The following CSNK1D variants were observed in gnomAD, a reference collection of about 807,000 sequenced individuals.
The protein encoded by CSNK1D is casein kinase I isoform delta.
Under a neutral mutation model 46.6 loss-of-function variants are expected in CSNK1D, and 16 were observed. The observed-to-expected ratio is 0.34, with a 90% CI of 0.23 to 0.52. CSNK1D has a LOEUF of 0.52. Ranked by LOEUF, CSNK1D falls within the 20% of genes least tolerant of loss-of-function variation. The pLI is 0.95. For missense variants in CSNK1D, 398 were observed against 578.4 expected (o/e 0.69, Z 3.20); for synonymous variants, 276 against 228.2 (o/e 1.21, Z -1.89).
downstream of CSNK1D, among the ~76,000 whole-genome samples, chr17:82,241,951 C>T (rs1035959556): frequency 6.6e-6 from 1 of 152,142 alleles, no homozygotes; most frequent in African/African-American, 2.4e-5. Flanking sequence ...GCAAGTGACC[C>T]GAAGTCCCTG....
downstream of CSNK1D, chr17:82,240,001 G>A: frequency 1.6e-6 from 2 of 1,233,746 alleles, no homozygotes. Flanking sequence ...TGGGCGCTGG[G>A]GACGGCAGCG....
At position 82,255,501 on chromosome 17, in the gene CSNK1D, G is replaced by A; in HGVS notation, c.264C>T (p.Ser88=). ...NVMVMELLGP[S]LEDLFNFCSR... is the part of the protein sequence containing the mutation. ...AGCAGAAGTTGAAGAGGTCCTCCAG[G>A]CTTGGCCCCAGCAGCTCCATCACCA... The change falls in exon 3 of 9, where the codon AGC becomes AGT. Residue 88 remains serine (S), a synonymous_variant. Coordinates refer to ENST00000314028, the MANE Select transcript of CSNK1D (RefSeq NM_001893.6). This position sits in a 1 kb window ranked among gnomAD's most constrained non-coding sequence, Gnocchi z 5.9. The A allele has an allele frequency of 5.0e-6, 8 of 1,614,174 alleles. No homozygotes were observed. Among genetic ancestry groups the A allele is most frequent in the Non-Finnish European group, 6.8e-6 (8 of 1,180,028 alleles).
chr17:82,258,355 A>T (rs1599602143), intron 2 of CSNK1D, among the ~76,000 whole-genome samples: 1 of 151,254 alleles, frequency 6.6e-6, no homozygotes, highest in South Asian at 2.1e-4. Flanking sequence ...TATATTATAT[A>T]TATGCAAATA....
chr17:82,248,412 A>G lies in CSNK1D; in HGVS notation c.1197+463T>C, dbSNP rs989062651. The G allele has an allele frequency of 9.9e-7, 1 of 1,011,458 alleles. No individual in the cohort carries two copies. The allele number at this position is 1,011,458 out of a possible 1,614,324, so 62.7% of individuals were successfully genotyped here. A position where few individuals can be genotyped will look rare whatever the true frequency, so the allele number is the denominator to read the frequency against. Reference sequence around the variant, plus strand: ...AAGAAGGAAAGCCTCGTTGCAGGGCATGCCACCAGGGAGGGTCTCACAAGA... The same window carrying G: ...AAGAAGGAAAGCCTCGTTGCAGGGCGTGCCACCAGGGAGGGTCTCACAAGA... On this transcript the variant is annotated intron_variant, in intron 8 of 8. Transcript: ENST00000314028. The surrounding 1 kb of genome is among the most constrained non-coding windows in gnomAD (Gnocchi z 4.1).
At position 82,247,200 on chromosome 17, in the gene CSNK1D, T is replaced by C. The variant is rs2050872854; in HGVS notation, c.1197+1675A>G. 5 of 985,468 alleles carry C rather than the reference T, an allele frequency of 5.1e-6. No homozygotes were observed. In the South Asian group the frequency reaches 1.9e-4, roughly 37 times the overall value. 61.0% of individuals were successfully genotyped at this position (985,468 alleles called of 1,614,324 possible). On this transcript the variant is annotated intron_variant, in intron 8 of 8. Coordinates refer to ENST00000314028, the MANE Select transcript of CSNK1D (RefSeq NM_001893.6). ...CCCTGCTGTTAGAGCCCACGTTGTATTTCCTCATATGGAAAACGAGGGCCT... is the reference window on the plus strand; with the variant it reads ...CCCTGCTGTTAGAGCCCACGTTGTACTTCCTCATATGGAAAACGAGGGCCT...
At position 82,273,397 on chromosome 17, in the gene CSNK1D, A is replaced by G; in HGVS notation, c.-16T>C. The G allele has an allele frequency of 1.9e-6, 3 of 1,610,070 alleles. No individual in the cohort carries two copies. Among genetic ancestry groups the G allele is most frequent in the Non-Finnish European group, 2.5e-6 (3 of 1,179,162 alleles). ...TCAGCTCCATGGCGGCGGCGGCCCG[A>G]TTCGCTCCTGCCCTCCCGGCCGCTT... On this transcript the variant is annotated 5_prime_UTR_variant, in exon 1 of 9. Coordinates refer to ENST00000314028, the MANE Select transcript of CSNK1D (RefSeq NM_001893.6). This position sits in a 1 kb window ranked among gnomAD's most constrained non-coding sequence, Gnocchi z 5.1.
chr17:82,242,556 C>T, downstream of CSNK1D: 1 of 831,396 alleles, frequency 1.2e-6, no homozygotes, highest in Non-Finnish European at 1.5e-6. Context: ...CACCCACAGG[C>T]TGAGAAAGAA....
chr17:82,240,953 G>A (rs1054537659), downstream of CSNK1D, among the ~76,000 whole-genome samples: 3 of 152,212 alleles, frequency 2.0e-5, no homozygotes, highest in African/African-American at 7.2e-5. Flanking sequence ...GGGAAGGGAA[G>A]CCCGGAGCCC....
In CSNK1D at chr17:82,252,296, G is replaced by A. The variant is rs559685766; in HGVS notation, c.736+138C>T. 126 of 970,302 alleles carry A rather than the reference G, an allele frequency of 1.3e-4. No homozygotes were observed. Among genetic ancestry groups the A allele is most frequent in the South Asian group, 3.6e-4 (28 of 77,450 alleles). The allele number at this position is 970,302 out of a possible 1,614,324, so 60.1% of individuals were successfully genotyped here. A position where few individuals can be genotyped will look rare whatever the true frequency, so the allele number is the denominator to read the frequency against. On this transcript the variant is annotated intron_variant, in intron 5 of 8. Coordinates refer to ENST00000314028, the MANE Select transcript of CSNK1D (RefSeq NM_001893.6). This position sits in a 1 kb window ranked among gnomAD's most constrained non-coding sequence, Gnocchi z 4.6. ...GGCTGTTACCTCCATACACAAAAGCGCCCCGCTTTCCTGCCACCACCCCTT... is the reference window on the plus strand; with the variant it reads ...GGCTGTTACCTCCATACACAAAAGCACCCCGCTTTCCTGCCACCACCCCTT...
At chr17:82,256,546 G>A (rs993940302) in intron 2 of CSNK1D, among the ~76,000 whole-genome samples, 1 of 151,982 alleles carries the variant, frequency 6.6e-6, no homozygotes, top group East Asian at 1.9e-4. Flanking sequence ...AGAAAAAATG[G>A]GTGAAAGACC....
At chr17:82,253,388 C>T (rs2051063867) in intron 3 of CSNK1D, 144 bp from the exon 4 acceptor site, 2 of 744,988 alleles carry the variant, frequency 2.7e-6, no homozygotes, top group Middle Eastern at 2.3e-4. Flanking sequence ...GAGGGGGATG[C>T]CGAACTGACC....
chr17:82,265,742 G>A lies in CSNK1D; in HGVS notation c.131C>T (p.Thr44Ile). The change falls in exon 2 of 9, where the codon ACC becomes ATC. Residue 44 changes from threonine to isoleucine, a missense_variant. By Grantham distance (89) the Thr-to-Ile change is moderately conservative. Transcript: ENST00000314028. ...EVAIKLECVKTKHPQLHIESK... is the reference protein window; with the variant it reads ...EVAIKLECVKIKHPQLHIESK... ...CTCAATGTGGAGCTGAGGGTGTTTGGTTTTGACACATTCAAGCTTGATGGC... is the reference window on the plus strand; with the variant it reads ...CTCAATGTGGAGCTGAGGGTGTTTGATTTTGACACATTCAAGCTTGATGGC... 1.9e-6 allele frequency: 3 copies of A among 1,614,146 alleles called. No individual in the cohort carries two copies. Among genetic ancestry groups the A allele is most frequent in the Non-Finnish European group, 2.5e-6 (3 of 1,180,022 alleles).
intron 2 of CSNK1D, among the ~76,000 whole-genome samples, chr17:82,264,922 C>T (rs1376929161): frequency 6.6e-6 from 1 of 151,934 alleles, no homozygotes; most frequent in Non-Finnish European, 1.5e-5. Flanking sequence ...CTCAGCCTCC[C>T]AAGTAGCTGG....
chr17:82,246,004 C>G (rs766081208), intron 8 of CSNK1D: 1 of 1,610,162 alleles, frequency 6.2e-7, no homozygotes, highest in South Asian at 1.1e-5. Context: ...GGGAGACGAG[C>G]AGCTACTTGC....
At chr17:82,257,827 G>A (rs1028954258) in intron 2 of CSNK1D, among the ~76,000 whole-genome samples, 1 of 152,212 alleles carries the variant, frequency 6.6e-6, no homozygotes, top group African/African-American at 2.4e-5. Context: ...AACAAACCTG[G>A]AGTAAGAGGT....
At position 82,244,297 on chromosome 17, in the gene CSNK1D, A is replaced by G; in HGVS notation, c.*484T>C. ...CTAACTCCAAGCCAGCCTGTCTCAGAATTCCTTAGTCAACATTTTTTTTGT... is the reference window on the plus strand; with the variant it reads ...CTAACTCCAAGCCAGCCTGTCTCAGGATTCCTTAGTCAACATTTTTTTTGT... On this transcript the variant is annotated 3_prime_UTR_variant, in exon 9 of 9. Coordinates refer to ENST00000314028, the MANE Select transcript of CSNK1D (RefSeq NM_001893.6). 1 of 1,102,224 alleles carries G rather than the reference A, an allele frequency of 9.1e-7. No homozygotes were observed. The highest frequency in any genetic ancestry group is 1.1e-6 in the Non-Finnish European group (1 of 897,208). The allele number at this position is 1,102,224 out of a possible 1,614,324, so 68.3% of individuals were successfully genotyped here.
At position 82,250,879 on chromosome 17, in the gene CSNK1D, G is replaced by A. The variant is rs1386235680; in HGVS notation, c.885+500C>T. 4.9e-6 allele frequency: 1 copy of A among 202,434 alleles called. No individual in the cohort carries two copies. The highest frequency in any genetic ancestry group is 2.3e-5 in the African/African-American group (1 of 42,864). The allele number at this position is 202,434 out of a possible 1,614,324, so 12.5% of individuals were successfully genotyped here. A position where few individuals can be genotyped will look rare whatever the true frequency, so the allele number is the denominator to read the frequency against. On this transcript the variant is annotated intron_variant, in intron 6 of 8. Transcript: ENST00000314028. The surrounding 1 kb of genome is among the most constrained non-coding windows in gnomAD (Gnocchi z 4.6). ...AATTCAGCTCAGACATGGACCCAGGGCTGGGCTGCCTGTTTTAGAGGCTCC... is the reference window on the plus strand; with the variant it reads ...AATTCAGCTCAGACATGGACCCAGGACTGGGCTGCCTGTTTTAGAGGCTCC...
In CSNK1D at chr17:82,249,647, G is replaced by A. The variant is rs1269974575; in HGVS notation, c.886-45C>T. On this transcript the variant is annotated intron_variant, in intron 6 of 8. Coordinates refer to ENST00000314028, the MANE Select transcript of CSNK1D (RefSeq NM_001893.6). The surrounding 1 kb of genome is among the most constrained non-coding windows in gnomAD (Gnocchi z 6.7). ...GGCCGGAATGGAACCAGCTTTGGCA[G>A]AAAGCAACCCTAGGTCCTAGGCTGC... 1.3e-6 allele frequency: 2 copies of A among 1,546,596 alleles called. No individual in the cohort carries two copies. Among genetic ancestry groups the A allele is most frequent in the Non-Finnish European group, 1.7e-6 (2 of 1,151,516 alleles).
chr17:82,244,677 T>TAA lies in CSNK1D; in HGVS notation c.*102_*103dup. 1 of 1,591,838 alleles carries TAA rather than the reference T, an allele frequency of 6.3e-7. No homozygotes were observed. The highest frequency in any genetic ancestry group is 8.5e-7 in the Non-Finnish European group (1 of 1,172,932). On this transcript the variant is annotated 3_prime_UTR_variant, in exon 9 of 9. Transcript: ENST00000314028. Reference sequence around the variant, plus strand: ...GAGTGGCCTGGAGAGCTCCCGGTGTTAACATTTCGATCCTAGACCGGGGGA... The same window carrying TAA: ...GAGTGGCCTGGAGAGCTCCCGGTGTTAAAACATTTCGATCCTAGACCGGGGGA...
Sources: allele counts gnomAD v4.1 joint callset (sites outside exome capture counted in the v4.1 genomes callset), GRCh38; gene constraint gnomAD v4.1.1; non-coding constraint Gnocchi (gnomAD v3.1); transcripts MANE v1.5; gene names NCBI Gene and HGNC (gene_info 2026-07-23, HGNC 2026-07-21).